The following PLAT variants were observed in gnomAD, a reference collection of about 807,000 sequenced individuals.
The protein encoded by PLAT is plasminogen activator, tissue type.
PLAT carries 48 observed loss-of-function variants against 74.9 expected under a neutral mutation model. The ratio of observed to expected loss-of-function variants is 0.64; its 90% CI spans 0.51 to 0.82. PLAT has a LOEUF of 0.82. Ranked by LOEUF, PLAT falls within the 40% of genes least tolerant of loss-of-function variation. The probability of loss-of-function intolerance (pLI) is 0.00; values close to 1 mark genes in which losing one functional copy is unlikely to be tolerated. For missense variants in PLAT, 673 were observed against 736.2 expected (o/e 0.91, Z 0.99); for synonymous variants, 307 against 294.4 (o/e 1.04, Z -0.44).
At chr8:42,192,854 G>T (rs955123606) in intron 2 of PLAT, among the ~76,000 whole-genome samples, 5 of 152,236 alleles carry the variant, frequency 3.3e-5, no homozygotes, top group African/African-American at 1.2e-4. Flanking sequence ...CACAGGCAGG[G>T]AGTGGCATGT....
At position 42,175,675 on chromosome 8, in the gene PLAT, G is replaced by A. The variant is rs1397367390; in HGVS notation, c.*318C>T. 7.2e-6 allele frequency: 2 copies of A among 277,438 alleles called. No individual in the cohort carries two copies. The highest frequency in any genetic ancestry group is 1.4e-4 in the East Asian group (2 of 14,720). 17.2% of individuals were successfully genotyped at this position (277,438 alleles called of 1,614,324 possible). On this transcript the variant is annotated 3_prime_UTR_variant, in exon 14 of 14. Transcript: ENST00000220809. Reference sequence around the variant, plus strand: ...TTTCCAAAGCTGCTCACGGTGACAGGTCAGGAGGTTGGGCTTTAGCTGAAA... The same window carrying A: ...TTTCCAAAGCTGCTCACGGTGACAGATCAGGAGGTTGGGCTTTAGCTGAAA...
chr8:42,187,540 T>C lies in PLAT; in HGVS notation c.397A>G (p.Ile133Val), dbSNP rs1805530557. ...TRATCYEDQG[I>V]SYRGTWSTAE... is the part of the protein sequence containing the mutation. ...GTGCTCCACGTGCCCCTGTAGCTGA[T>C]GCCCTGGTCCTCGTAGCACGTGGCC... Residue 133 changes from isoleucine (I) to valine (V), a missense_variant, in exon 6 of 14, where the codon ATC becomes GTC. Coordinates refer to ENST00000220809, the MANE Select transcript of PLAT (RefSeq NM_000930.5). 1.9e-6 allele frequency: 3 copies of C among 1,608,540 alleles called. No individual in the cohort carries two copies. Among genetic ancestry groups the C allele is most frequent in the Admixed American group, 1.7e-5 (1 of 59,848 alleles).
chr8:42,192,971 C>A, intron 2 of PLAT, 143 bp downstream of exon 2: 1 of 634,764 alleles, frequency 1.6e-6, no homozygotes, highest in South Asian at 1.8e-5. Flanking sequence ...GTGTGCTCCA[C>A]AGCAATGCCA....
At chr8:42,191,174 C>T (rs1805669083) in intron 3 of PLAT, among the ~76,000 whole-genome samples, 198 bp downstream of exon 3, 1 of 152,220 alleles carries the variant, frequency 6.6e-6, no homozygotes, top group Non-Finnish European at 1.5e-5. Flanking sequence ...CCCTCAGAAT[C>T]AGAACCCGCC....
Position 42,207,484 on chromosome 8 carries a change from C to A in PLAT, c.-27+10G>T, listed in dbSNP as rs1585445463. On this transcript the variant is annotated intron_variant, in intron 1 of 13. Coordinates refer to ENST00000220809, the MANE Select transcript of PLAT (RefSeq NM_000930.5). ...GGAGACAGACCCCAAGGTACAGAAA[C>A]CCGACCTACCACGGCTTGCTCCTTC... The A allele has an allele frequency of 2.0e-5, 3 of 152,404 alleles. No individual in the cohort carries two copies. Among genetic ancestry groups the A allele is most frequent in the Admixed American group, 2.0e-4 (3 of 15,296 alleles). 9.4% of individuals were successfully genotyped at this position (152,404 alleles called of 1,614,324 possible). A position where few individuals can be genotyped will look rare whatever the true frequency, so the allele number is the denominator to read the frequency against.
At chr8:42,191,104 C>T (rs1445502210) in intron 3 of PLAT, among the ~76,000 whole-genome samples, 1 of 152,208 alleles carries the variant, frequency 6.6e-6, no homozygotes, top group Non-Finnish European at 1.5e-5. Flanking sequence ...CCCCCCAGCC[C>T]CCGCTAGGTT....
intron 9 of PLAT, among the ~76,000 whole-genome samples, chr8:42,181,619 GCCT>G (rs1056420348): frequency 1.3e-5 from 2 of 152,208 alleles, no homozygotes; most frequent in Non-Finnish European, 2.9e-5. Flanking sequence ...TGCATGCGAG[GCCT>G]CCTCCTCATT....
intron 13 of PLAT, among the ~76,000 whole-genome samples, chr8:42,176,395 T>C (rs8178893): frequency 0.1 from 15,502 of 152,198 alleles, 1,002 homozygotes; most frequent in East Asian, 0.19. Flanking sequence ...GCTTGCACAT[T>C]AAGCCAACTG....
At chr8:42,201,379 C>T (rs1469846292) in intron 1 of PLAT, among the ~76,000 whole-genome samples, 2 of 152,170 alleles carry the variant, frequency 1.3e-5, no homozygotes, top group Admixed American at 6.5e-5. Flanking sequence ...ACGGCAGGAG[C>T]GACCTGCACC....
intron 1 of PLAT, among the ~76,000 whole-genome samples, chr8:42,200,802 C>A (rs999462989): frequency 1.8e-4 from 27 of 152,004 alleles, no homozygotes; most frequent in African/African-American, 5.3e-4. Context: ...TTCCACTACT[C>A]CTCACTGTCT....
chr8:42,192,002 C>CTTTT (rs1177070988), intron 2 of PLAT, among the ~76,000 whole-genome samples: 11 of 127,130 alleles, frequency 8.7e-5, no homozygotes, highest in African/African-American at 2.4e-4. Context: ...TTGCCTTTTT[C>CTTTT]TTTTTTTTTT....
At chr8:42,192,429 C>A (rs978206937) in intron 2 of PLAT, among the ~76,000 whole-genome samples, 4 of 151,990 alleles carry the variant, frequency 2.6e-5, no homozygotes, top group African/African-American at 9.7e-5. Flanking sequence ...ACCTGTAACC[C>A]CAGAGTTTTG....
chr8:42,200,030 TTA>T (rs1399763279), intron 1 of PLAT, among the ~76,000 whole-genome samples: 5 of 152,230 alleles, frequency 3.3e-5, no homozygotes, highest in African/African-American at 1.2e-4. Flanking sequence ...CATTGTATCA[TTA>T]TATGACTTTA....
At chr8:42,185,325 C>T (rs185177885) in intron 6 of PLAT, 153 bp from the exon 7 acceptor site, 5 of 456,630 alleles carry the variant, frequency 1.1e-5, no homozygotes, top group East Asian at 7.0e-5. Flanking sequence ...AGTGCAGCGG[C>T]GCATCTCCTC....
At chr8:42,188,229 GTGT>G in intron 4 of PLAT, 1 of 480,644 alleles carries the variant, frequency 2.1e-6, no homozygotes, top group South Asian at 3.8e-5. Flanking sequence ...GGTCAGACAA[GTGT>G]TGTTCAAGGG....
intron 1 of PLAT, among the ~76,000 whole-genome samples, chr8:42,204,449 A>T (rs1229039992): frequency 6.6e-6 from 1 of 152,206 alleles, no homozygotes; most frequent in African/African-American, 2.4e-5. Context: ...ATAATCAAAG[A>T]AAAACCTGTC....
intron 1 of PLAT, among the ~76,000 whole-genome samples, chr8:42,195,487 A>C (rs923010453): frequency 1.3e-5 from 2 of 152,084 alleles, no homozygotes; most frequent in Non-Finnish European, 2.9e-5. Context: ...CGCAGTGCCC[A>C]AGGTCTCCCT....
chr8:42,177,040 C>T (rs749551597), intron 13 of PLAT, among the ~76,000 whole-genome samples: 8 of 152,032 alleles, frequency 5.3e-5, no homozygotes, highest in Non-Finnish European at 8.8e-5. Flanking sequence ...AGTGCAGTGG[C>T]GCAATCTCAG....
intron 2 of PLAT, among the ~76,000 whole-genome samples, chr8:42,192,598 C>G (rs968819673): frequency 4.6e-5 from 7 of 151,994 alleles, no homozygotes; most frequent in African/African-American, 1.7e-4. Flanking sequence ...TACCTTATAA[C>G]AACCATTTAC....
Sources: gnomAD v4.1 joint callset for allele counts (sites outside exome capture counted in the v4.1 genomes callset) on GRCh38, gnomAD v4.1.1 for gene constraint, MANE v1.5 for transcripts, NCBI Gene and HGNC (gene_info 2026-07-23, HGNC 2026-07-21) for gene names.